Variants in PRRC2A observed in about 807,000 individuals in gnomAD.
The protein encoded by PRRC2A is proline rich coiled-coil 2A, also known as protein PRRC2A.
PRRC2A carries 59 observed loss-of-function variants against 224.6 expected under a neutral mutation model. The ratio of observed to expected loss-of-function variants is 0.26; its 90% CI spans 0.21 to 0.33. PRRC2A has a LOEUF of 0.33. PRRC2A is among the 10% of genes least tolerant of loss of function. The probability of loss-of-function intolerance (pLI) is 1.00; values close to 1 mark genes in which losing one functional copy is unlikely to be tolerated. For synonymous variants in PRRC2A, 1,194 were observed against 1,109.5 expected (o/e 1.08, Z -1.51); for missense variants, 3,095 against 2,880.7 (o/e 1.07, Z -1.70).
At position 31,628,180 on chromosome 6, in the gene PRRC2A, T is replaced by C; in HGVS notation, c.1706T>C (p.Leu569Pro). The change falls in exon 12 of 31, where the codon CTG (leucine) becomes CCG (proline). Residue 569 changes from leucine (L) to proline (P), a missense_variant. Around this residue, in one of 8 missense-constraint regions of PRRC2A, gnomAD observed 2,001 missense variants for 1,764.9 expected, o/e 1.13. Coordinates refer to ENST00000376033, the MANE Select transcript of PRRC2A (RefSeq NM_004638.4). ...CCAGGTGTGGCTGCGGCTCCCACTC[T>C]GGTGAGTGGTGGTGGCAGTACCAGT... Reference protein sequence around the residue: ...PTPGVAAAPTLVSGGGSTSST... With the variant: ...PTPGVAAAPTPVSGGGSTSST... 1.9e-6 allele frequency: 3 copies of C among 1,612,892 alleles called. No individual in the cohort carries two copies. Among genetic ancestry groups the C allele is most frequent in the African/African-American group, 1.3e-5 (1 of 75,034 alleles).
Position 31,631,290 on chromosome 6 carries a change from G to T in PRRC2A, c.2617G>T (p.Val873Leu). ...CCCCTGGCCCCCAGGCAGTGATGAA[G>T]TGGCCAAGATACAAACTCCACCACC... ...PLPWPPGSDEVAKIQTPPPKK... is the reference protein window; with the variant it reads ...PLPWPPGSDELAKIQTPPPKK... Residue 873 changes from valine (V) to leucine (L), a missense_variant, in exon 16 of 31, where the codon GTG (valine) becomes TTG (leucine). Coordinates refer to ENST00000376033, the MANE Select transcript of PRRC2A (RefSeq NM_004638.4). This position sits in a 1 kb window ranked among gnomAD's most constrained non-coding sequence, Gnocchi z 4.5. The T allele has an allele frequency of 6.2e-7, 1 of 1,612,122 alleles. No homozygotes were observed. Among genetic ancestry groups the T allele is most frequent in the South Asian group, 1.1e-5 (1 of 90,994 alleles).
At position 31,632,481 on chromosome 6, in the gene PRRC2A, G is replaced by T; in HGVS notation, c.3808G>T (p.Gly1270Trp). Reference sequence around the variant, plus strand: ...GCAGGAACGGGAGAATGCCGCAAGGGGGTCTGAGGGCAAGCCCTCCCTAAC... The same window carrying T: ...GCAGGAACGGGAGAATGCCGCAAGGTGGTCTGAGGGCAAGCCCTCCCTAAC... ...LKQERENAAR[G>W]SEGKPSLTLP... Residue 1270 changes from glycine to tryptophan, a missense_variant, in exon 16 of 31, where the codon GGG becomes TGG. Transcript: ENST00000376033. 6.2e-7 allele frequency: 1 copy of T among 1,607,002 alleles called. No homozygotes were observed. The highest frequency in any genetic ancestry group is 8.5e-7 in the Non-Finnish European group (1 of 1,175,868).
chr6:31,624,492 G>A lies in PRRC2A; in HGVS notation c.433G>A (p.Ala145Thr), dbSNP rs752755768. The change falls in exon 5 of 31, where the codon GCC becomes ACC. Residue 145 changes from alanine (A) to threonine (T), a missense_variant. Coordinates refer to ENST00000376033, the MANE Select transcript of PRRC2A (RefSeq NM_004638.4). ...VPSGVKSWAQ[A>T]SVTHGAHGDG... ...AAGCGGGGTAAAGTCCTGGGCACAA[G>A]CCAGCGTCACCCATGGAGCACATGG... is the stretch of plus-strand genomic sequence containing the variant. 2.2e-5 allele frequency: 36 copies of A among 1,613,778 alleles called. No individual in the cohort carries two copies. Among genetic ancestry groups the A allele is most frequent in the Non-Finnish European group, 2.9e-5 (34 of 1,179,742 alleles).
At position 31,623,923 on chromosome 6, in the gene PRRC2A, TGGG is replaced by T; in HGVS notation, c.290+17_290+19del. 3.1e-6 allele frequency: 5 copies of T among 1,613,552 alleles called. No homozygotes were observed. The highest frequency in any genetic ancestry group is 4.2e-6 in the Non-Finnish European group (5 of 1,179,608). On this transcript the variant is annotated intron_variant, in intron 3 of 30. Transcript: ENST00000376033. ...CGACCCCAAGAGGTAGACAGAGGCT[TGGG>T]GGACCTAGAGTGATGGGTATTTTAA... is the stretch of plus-strand genomic sequence containing the variant.
At position 31,637,339 on chromosome 6, in the gene PRRC2A, C is replaced by G. The variant is rs779599369; in HGVS notation, c.6333+15C>G. 6.8e-6 allele frequency: 11 copies of G among 1,606,154 alleles called. No homozygotes were observed. Among genetic ancestry groups the G allele is most frequent in the Non-Finnish European group, 9.4e-6 (11 of 1,173,750 alleles). On this transcript the variant is annotated intron_variant, in intron 30 of 30. Transcript: ENST00000376033. Reference sequence around the variant, plus strand: ...TTTACCAGCAGGTGAAGGAGAAACCCTTGTGGCCCCAACTCTAAATTCGAG... The same window carrying G: ...TTTACCAGCAGGTGAAGGAGAAACCGTTGTGGCCCCAACTCTAAATTCGAG...
rs1197471608 is a variant in PRRC2A at position 31,633,384 on chromosome 6, C to A, written c.4325C>A (p.Pro1442His). 6.2e-7 allele frequency: 1 copy of A among 1,612,258 alleles called. No homozygotes were observed. Among genetic ancestry groups the A allele is most frequent in the Admixed American group, 1.7e-5 (1 of 59,954 alleles). ...TAATGCTCTGTTTTCTCCAGTCGTC[C>A]TCCAGAGGAGCGTCCCCCGGGGCTT... ...SWPSPKNRSRPPEERPPGLPL... is the reference protein window; with the variant it reads ...SWPSPKNRSRHPEERPPGLPL... Residue 1442 changes from proline (P) to histidine (H), a missense_variant, in exon 17 of 31, where the codon CCT (proline) becomes CAT (histidine). Pro to His is a moderately conservative substitution (Grantham distance 77). This residue lies in a region of PRRC2A where 2,001 missense variants were observed against 1,764.9 expected (regional missense o/e 1.13). Coordinates refer to ENST00000376033, the MANE Select transcript of PRRC2A (RefSeq NM_004638.4).
rs762161838 is a variant in PRRC2A, at chr6:31,622,875, A to G, written c.86A>G (p.Lys29Arg). Residue 29 changes from lysine to arginine, a missense_variant, in exon 2 of 31, where the codon AAG (lysine) becomes AGG (arginine). Physicochemically the swap from Lys to Arg is conservative, Grantham distance 26 (BLOSUM62 2). Around this residue, in one of 8 missense-constraint regions of PRRC2A, gnomAD observed 64 missense variants for 68.2 expected, o/e 0.94. Coordinates refer to ENST00000376033, the MANE Select transcript of PRRC2A (RefSeq NM_004638.4). ...AACCTGTTTGATACGTATAAGGGCA[A>G]GTCCTTAGAGATCCAGAAACCCGCT... ...SLNLFDTYKG[K>R]SLEIQKPAVA... 5.6e-6 allele frequency: 9 copies of G among 1,614,076 alleles called. No homozygotes were observed. Among genetic ancestry groups the G allele is most frequent in the South Asian group, 4.4e-5 (4 of 91,072 alleles).
rs779307189 is a variant in PRRC2A, at chr6:31,635,635, T to C, written c.5427T>C (p.Ala1809=). ...WELLPSAAAS[A]EPQSKNLDSG... is the part of the protein sequence containing the mutation. ...TGCTTCCCAGTGCTGCTGCCTCTGC[T>C]GAGCCACAATCCAAGAACCTGGATT... Residue 1809 remains alanine (A), a synonymous_variant, in exon 24 of 31, where the codon GCT becomes GCC. Transcript: ENST00000376033. 1 of 1,612,862 alleles carries C rather than the reference T, an allele frequency of 6.2e-7. No individual in the cohort carries two copies.
At position 31,625,548 on chromosome 6, in the gene PRRC2A, G is replaced by T. The variant is rs766024389; in HGVS notation, c.696G>T (p.Arg232=). 1.9e-6 allele frequency: 3 copies of T among 1,574,466 alleles called. No homozygotes were observed. Among genetic ancestry groups the T allele is most frequent in the Middle Eastern group, 1.7e-4 (1 of 5,896 alleles). Residue 232 remains arginine (R), a synonymous_variant, in exon 7 of 31, where the codon CGG becomes CGT. Transcript: ENST00000376033. The surrounding 1 kb of genome is among the most constrained non-coding windows in gnomAD (Gnocchi z 4.1). ...DSKLHHGHDP[R]GGLQPSGPPQ... ...AACTTCATCATGGTCATGATCCCCG[G>T]GGTGGGCTACAGCCTTCAGGCCCAC... is the stretch of plus-strand genomic sequence containing the variant.
intron 1 of PRRC2A, among the ~76,000 whole-genome samples, chr6:31,621,568 C>G (rs1386699171): frequency 6.6e-6 from 1 of 151,732 alleles, no homozygotes; most frequent in East Asian, 1.9e-4. Flanking sequence ...TTGGTCTATT[C>G]GCTACATGAC....
In PRRC2A at chr6:31,634,466, C is replaced by T. The variant is rs748099850; in HGVS notation, c.4850-6C>T. 2.5e-6 allele frequency: 4 copies of T among 1,612,776 alleles called. No individual in the cohort carries two copies. In the African/African-American group the frequency reaches 5.3e-5, roughly 22 times the overall value. On this transcript the variant is annotated splice_region_variant and splice_polypyrimidine_tract_variant and intron_variant, in intron 19 of 30. Transcript: ENST00000376033. Reference sequence around the variant, plus strand: ...CTTCTCTTCTGGTTGGTGCTCCCTTCTCCAGCCACTAGCCGAAAGAGTTAC... The same window carrying T: ...CTTCTCTTCTGGTTGGTGCTCCCTTTTCCAGCCACTAGCCGAAAGAGTTAC...
At chr6:31,633,725 C>G (rs1776962737) in intron 17 of PRRC2A, 78 bp downstream of exon 17, 23 of 1,540,930 alleles carry the variant, frequency 1.5e-5, no homozygotes, top group Non-Finnish European at 2.0e-5. Context: ...GGTGGAGAAC[C>G]TGGCCTAGGG....
chr6:31,637,288 A>C lies in PRRC2A; in HGVS notation c.6297A>C (p.Gly2099=). The C allele has an allele frequency of 6.2e-7, 1 of 1,612,572 alleles. No individual in the cohort carries two copies. Among genetic ancestry groups the C allele is most frequent in the Non-Finnish European group, 8.5e-7 (1 of 1,179,616 alleles). Residue 2099 remains glycine (G), a synonymous_variant, in exon 30 of 31, where the codon GGA becomes GGC. Transcript: ENST00000376033. The part of the protein sequence containing the change: ...RLKATPSTYS[G]VFRTQRVDLY... Reference sequence around the variant, plus strand: ...AGGCCACGCCTTCCACCTACAGTGGAGTCTTCCGCACCCAGCGCGTCGACC... The same window carrying C: ...AGGCCACGCCTTCCACCTACAGTGGCGTCTTCCGCACCCAGCGCGTCGACC...
chr6:31,625,337 A>G lies in PRRC2A; in HGVS notation c.607+23A>G, dbSNP rs751221101. 2.5e-6 allele frequency: 4 copies of G among 1,614,136 alleles called. No individual in the cohort carries two copies. The highest frequency in any genetic ancestry group is 3.4e-6 in the Non-Finnish European group (4 of 1,180,052). The stretch of plus-strand genomic sequence containing the variant: ...AAAGTGAGTGGCTGCCTTTTGGCCA[A>G]GACATTACCTATTGCATCTCAGAGC... On this transcript the variant is annotated intron_variant, in intron 6 of 30. Transcript: ENST00000376033. The surrounding 1 kb of genome is among the most constrained non-coding windows in gnomAD (Gnocchi z 4.1).
Position 31,632,087 on chromosome 6 carries a change from T to A in PRRC2A, c.3414T>A (p.Ala1138=). The A allele has an allele frequency of 6.4e-7, 1 of 1,551,246 alleles. No individual in the cohort carries two copies. Among genetic ancestry groups the A allele is most frequent in the Non-Finnish European group, 8.7e-7 (1 of 1,147,932 alleles). The part of the protein sequence containing the change: ...KEGTLTQVPL[A]PPPPGAPPSP... ...GAACACTCACCCAGGTCCCTCTCGC[T>A]CCCCCACCACCAGGAGCCCCACCTT... The change falls in exon 16 of 31, where the codon GCT becomes GCA. Residue 1138 remains alanine, a synonymous_variant. Transcript: ENST00000376033.
chr6:31,632,168 G>A lies in PRRC2A; in HGVS notation c.3495G>A (p.Gly1165=). 14 of 1,587,416 alleles carry A rather than the reference G, an allele frequency of 8.8e-6. No homozygotes were observed. The highest frequency in any genetic ancestry group is 1.1e-5 in the Non-Finnish European group (13 of 1,167,564). The change falls in exon 16 of 31, where the codon GGG becomes GGA. Residue 1165 remains glycine (G), a synonymous_variant. Coordinates refer to ENST00000376033, the MANE Select transcript of PRRC2A (RefSeq NM_004638.4). ...GTGGGCGAGTCTTCACTCCCAGAGGGGTGCCATCTCGCCGGGGCCGAGGAG... is the reference window on the plus strand; with the variant it reads ...GTGGGCGAGTCTTCACTCCCAGAGGAGTGCCATCTCGCCGGGGCCGAGGAG... The part of the protein sequence containing the change: ...ARGGRVFTPR[G]VPSRRGRGGG...
rs781052796 is a variant in PRRC2A at position 31,632,090 on chromosome 6, C to G, written c.3417C>G (p.Pro1139=). 1.3e-6 allele frequency: 2 copies of G among 1,551,690 alleles called. No homozygotes were observed. Among genetic ancestry groups the G allele is most frequent in the Non-Finnish European group, 1.7e-6 (2 of 1,148,374 alleles). Residue 1139 remains proline, a synonymous_variant, in exon 16 of 31, where the codon CCC becomes CCG. Transcript: ENST00000376033. The part of the protein sequence containing the change: ...EGTLTQVPLA[P]PPPGAPPSPA... The stretch of plus-strand genomic sequence containing the variant: ...CACTCACCCAGGTCCCTCTCGCTCC[C>G]CCACCACCAGGAGCCCCACCTTCAC...
In PRRC2A at chr6:31,620,764, C is replaced by G. The variant is rs979827703; in HGVS notation, c.-195C>G. The stretch of plus-strand genomic sequence containing the variant: ...GCGAGGGAGACGGGAGGAGCCGAAC[C>G]CGGCGCCATCCGCCGCCATCCTCCC... On this transcript the variant is annotated 5_prime_UTR_variant, in exon 1 of 31. Transcript: ENST00000376033. The G allele has an allele frequency of 6.6e-6, 1 of 152,126 alleles. No homozygotes were observed. Among genetic ancestry groups the G allele is most frequent in the Admixed American group, 6.5e-5 (1 of 15,282 alleles). 9.4% of individuals were successfully genotyped at this position (152,126 alleles called of 1,614,324 possible).
intron 9 of PRRC2A, among the ~76,000 whole-genome samples, chr6:31,626,558 GAAAA>G (rs74270834): frequency 7.1e-6 from 1 of 141,588 alleles, no homozygotes; most frequent in Admixed American, 7.0e-5. Flanking sequence ...CTTTTAAAAG[GAAAA>G]AAAAAAAAGA....
Sources: allele counts gnomAD v4.1 joint callset (sites outside exome capture counted in the v4.1 genomes callset), GRCh38; gene constraint gnomAD v4.1.1; regional missense constraint gnomAD v4.1.1; non-coding constraint Gnocchi (gnomAD v3.1); transcripts MANE v1.5; gene names NCBI Gene and HGNC (gene_info 2026-07-23, HGNC 2026-07-21).